VIPR1: variants seen among roughly 807,000 people sequenced by gnomAD.
VIPR1 encodes vasoactive intestinal polypeptide receptor 1.
Under a neutral mutation model 58.8 loss-of-function variants are expected in VIPR1, and 59 were observed. The observed-to-expected ratio is 1.00, with a 90% CI of 0.81 to 1.25. VIPR1 has a LOEUF of 1.25. Ranked by LOEUF, VIPR1 falls within the 50% of genes most tolerant of loss-of-function variation. The pLI is 0.00. For synonymous variants in VIPR1, 251 were observed against 242.1 expected (o/e 1.04, Z -0.34); for missense variants, 626 against 602.7 (o/e 1.04, Z -0.40).
intron 5 of VIPR1, 73 bp from the exon 6 acceptor site, chr3:42,527,918 C>A: frequency 6.3e-7 from 1 of 1,584,060 alleles, no homozygotes; most frequent in Non-Finnish European, 8.6e-7. Context: ...CCTTGCTCAG[C>A]ACATAGGACA....
intron 3 of VIPR1, among the ~76,000 whole-genome samples, chr3:42,522,102 T>TATATATATATATATATATATA (rs1553638336): frequency 1.6e-3 from 22 of 13,658 alleles, no homozygotes; most frequent in African/African-American, 2.0e-3. Flanking sequence ...TATATATATA[T>TATATATATATATATATATATA]TTTTTTTTTT....
At chr3:42,514,317 C>T (rs1157002059) in intron 2 of VIPR1, among the ~76,000 whole-genome samples, 1 of 152,012 alleles carries the variant, frequency 6.6e-6, no homozygotes, top group African/African-American at 2.4e-5. Context: ...GTTAGCATCT[C>T]CAGAGGAAGA....
chr3:42,493,111 A>C (rs1055701637), intron 1 of VIPR1, among the ~76,000 whole-genome samples: 6 of 152,258 alleles, frequency 3.9e-5, no homozygotes, highest in African/African-American at 1.4e-4. Context: ...AAGACAAGCC[A>C]TATTTCCTGA....
intron 5 of VIPR1, 187 bp downstream of exon 5, chr3:42,527,683 G>T: frequency 1.5e-6 from 1 of 657,042 alleles, no homozygotes; most frequent in Non-Finnish European, 2.6e-6. Flanking sequence ...TCCATGTGTT[G>T]CAGCCTAGTC....
intron 1 of VIPR1, chr3:42,512,783 G>C (rs1700419981): frequency 1.0e-6 from 1 of 985,454 alleles, no homozygotes; most frequent in African/African-American, 1.7e-5. Context: ...GGGGTTGCCG[G>C]GGCCAGCAAC....
chr3:42,514,397 TC>T (rs1700520046), intron 2 of VIPR1, among the ~76,000 whole-genome samples: 1 of 151,830 alleles, frequency 6.6e-6, no homozygotes, highest in Non-Finnish European at 1.5e-5. Context: ...ATCTTAGTGG[TC>T]CCGAGCAAGA....
intron 1 of VIPR1, 116 bp downstream of exon 1, chr3:42,502,929 G>A: frequency 1.2e-6 from 1 of 814,320 alleles, no homozygotes; most frequent in Non-Finnish European, 1.6e-6. Flanking sequence ...AAGAGGAATA[G>A]GGGACATCAA....
upstream of VIPR1, among the ~76,000 whole-genome samples, chr3:42,499,378 C>T (rs554687810): frequency 7.9e-5 from 12 of 152,346 alleles, no homozygotes; most frequent in South Asian, 1.5e-3. Context: ...GCCAGGCAGG[C>T]TCAGAATGAG....
chr3:42,513,661 G>A (rs1700472325), intron 1 of VIPR1, 88 bp from the exon 2 acceptor site: 2 of 1,371,002 alleles, frequency 1.5e-6, no homozygotes, highest in African/African-American at 1.4e-5. Flanking sequence ...TCTCTTCCAG[G>A]GAGAGGGCAG....
At chr3:42,526,271 A>G (rs406360) in intron 4 of VIPR1, among the ~76,000 whole-genome samples, 69,976 of 152,062 alleles carry the variant, frequency 0.46, 17,115 homozygotes, top group African/African-American at 0.65. Flanking sequence ...CCTCATGGGA[A>G]CCTCACTTCA....
chr3:42,514,568 CACACAT>C (rs1268910906), intron 2 of VIPR1, among the ~76,000 whole-genome samples: 29 of 150,106 alleles, frequency 1.9e-4, no homozygotes, highest in East Asian at 7.7e-4. Flanking sequence ...CACACACACA[CACACAT>C]ACACACACGC....
In VIPR1 at chr3:42,536,321, C is replaced by G. The variant is rs1701845349; in HGVS notation, c.*40C>G. On this transcript the variant is annotated 3_prime_UTR_variant, in exon 13 of 13. Transcript: ENST00000325123. Reference sequence around the variant, plus strand: ...GGGGCCCAAGGCGGCCCCTCCCGCCCCTTCCCACTCACCCCGGCAGACGCC... The same window carrying G: ...GGGGCCCAAGGCGGCCCCTCCCGCCGCTTCCCACTCACCCCGGCAGACGCC... 3 of 1,482,474 alleles carry G rather than the reference C, an allele frequency of 2.0e-6. No homozygotes were observed. Among genetic ancestry groups the G allele is most frequent in the Non-Finnish European group, 2.7e-6 (3 of 1,121,062 alleles). The allele number at this position is 1,482,474 out of a possible 1,614,324, so 91.8% of individuals were successfully genotyped here.
At chr3:42,498,682 C>G (rs1699811438), upstream of VIPR1, among the ~76,000 whole-genome samples, 1 of 152,128 alleles carries the variant, frequency 6.6e-6, no homozygotes. Flanking sequence ...ACTTGGTTTT[C>G]TTCCTAGATG....
At chr3:42,531,400 T>G in intron 7 of VIPR1, 71 bp from the exon 8 acceptor site, 1 of 1,488,698 alleles carries the variant, frequency 6.7e-7, no homozygotes, top group South Asian at 1.2e-5. Flanking sequence ...TTCTCCAAAA[T>G]CTCTCCCTCA....
Position 42,503,755 on chromosome 3 carries a change from C to T in VIPR1, c.78+942C>T, listed in dbSNP as rs569129734. Among the ~76,000 whole-genome samples, 10 of 152,302 alleles carry T rather than the reference C, an allele frequency of 6.6e-5. No homozygotes were observed. The East Asian group carries it at 1.7e-3, about 26-fold the overall frequency. ...AGACACAAGAGCCACATCTGTCTCC[C>T]ACCAGTTAGACCTAGACAAAGGTTG... On this transcript the variant is annotated intron_variant, in intron 1 of 12. Transcript: ENST00000325123.
intron 1 of VIPR1, among the ~76,000 whole-genome samples, chr3:42,496,912 A>G (rs1699773407): frequency 6.6e-6 from 1 of 151,726 alleles, no homozygotes; most frequent in Non-Finnish European, 1.5e-5. Flanking sequence ...GAGTTTTCTT[A>G]GTTTCATTTT....
chr3:42,518,957 C>T (rs1010383498), intron 2 of VIPR1, among the ~76,000 whole-genome samples: 4 of 152,200 alleles, frequency 2.6e-5, no homozygotes, highest in Non-Finnish European at 5.9e-5. Flanking sequence ...ACAGTCAAAA[C>T]CACCACTGGC....
chr3:42,489,582 G>A (rs1260011791), exon 1 of VIPR1: 1 of 152,278 alleles, frequency 6.6e-6, no homozygotes, highest in Non-Finnish European at 1.5e-5. Context: ...ACTGACACCA[G>A]GAGGATAAGG....
At chr3:42,503,871 A>G (rs920326719) in intron 1 of VIPR1, among the ~76,000 whole-genome samples, 3 of 152,110 alleles carry the variant, frequency 2.0e-5, no homozygotes, top group Non-Finnish European at 2.9e-5. Flanking sequence ...GGGGAGGGTG[A>G]GGAATCTTGA....
Sources: gnomAD v4.1 joint callset for allele counts (sites outside exome capture counted in the v4.1 genomes callset) on GRCh38, gnomAD v4.1.1 for gene constraint, MANE v1.5 for transcripts, NCBI Gene and HGNC (gene_info 2026-07-23, HGNC 2026-07-21) for gene names.